Variants in ARHGAP11A observed in about 807,000 individuals in gnomAD.
ARHGAP11A encodes rho GTPase-activating protein 11A.
Under a neutral mutation model 60.5 loss-of-function variants are expected in ARHGAP11A, and 36 were observed. The observed-to-expected ratio is 0.59, with a 90% confidence interval of 0.46 to 0.79. The LOEUF (loss-of-function observed/expected upper bound fraction) is 0.79. Among genes scored for constraint, ARHGAP11A ranks in the 30% least tolerant of loss-of-function variants. The pLI, the probability that ARHGAP11A is intolerant of heterozygous loss-of-function variation, is 0.00. For synonymous variants in ARHGAP11A, 362 were observed against 415.5 expected (o/e 0.87, Z 1.57); for missense variants, 1,071 against 1,199.2 (o/e 0.89, Z 1.58).
chr15:32,632,276 A>C (rs2053603199), intron 8 of ARHGAP11A, among the ~76,000 whole-genome samples: 2 of 148,908 alleles, frequency 1.3e-5, no homozygotes, highest in Non-Finnish European at 3.0e-5. Flanking sequence ...CTTCTTTCGT[A>C]ATTGTTTACT....
intron 7 of ARHGAP11A, 113 bp from the exon 8 acceptor site, chr15:32,629,482 C>T: frequency 1.5e-6 from 1 of 656,864 alleles, no homozygotes. Flanking sequence ...AATATATTCT[C>T]ATTTTTTGTT....
In ARHGAP11A at chr15:32,637,346, A is replaced by G. The variant is rs376033399; in HGVS notation, c.2573A>G (p.His858Arg). 6.9e-5 allele frequency: 111 copies of G among 1,614,222 alleles called. No homozygotes were observed. In the East Asian group the frequency reaches 7.1e-4, roughly 10 times the overall value. ...LLEYSRQPTG[H>R]KLASLGDTAS... ...GAGTATAGCAGACAACCTACAGGGCATAAGTTGGCGAGTCTTGGTGATACA... is the reference window on the plus strand; with the variant it reads ...GAGTATAGCAGACAACCTACAGGGCGTAAGTTGGCGAGTCTTGGTGATACA... The change falls in exon 12 of 12, where the codon CAT (histidine) becomes CGT (arginine). Residue 858 changes from histidine to arginine, a missense_variant. His to Arg is a conservative substitution (Grantham distance 29). This residue lies in a region of ARHGAP11A where 776 missense variants were observed against 760.2 expected (regional missense o/e 1.02). Transcript: ENST00000361627.
rs755660320 is a variant in ARHGAP11A, at chr15:32,636,932, A to G, written c.2159A>G (p.Asp720Gly). The G allele has an allele frequency of 6.2e-7, 1 of 1,611,270 alleles. No individual in the cohort carries two copies. ...TTAAGCAAGCAAGAATTCTCCAGTG[A>G]TGAAGAAATAAAGAAACAGCAGTCC... The part of the protein sequence containing the change: ...DYLSKQEFSS[D>G]EEIKKQQSPK... The change falls in exon 12 of 12, where the codon GAT becomes GGT. Residue 720 changes from aspartate (D) to glycine (G), a missense_variant. Physicochemically the swap from Asp to Gly is moderately conservative, Grantham distance 94. Coordinates refer to ENST00000361627, the MANE Select transcript of ARHGAP11A (RefSeq NM_014783.6).
At chr15:32,631,164 A>G (rs913025138) in intron 8 of ARHGAP11A, among the ~76,000 whole-genome samples, 1 of 152,236 alleles carries the variant, frequency 6.6e-6, no homozygotes, top group Non-Finnish European at 1.5e-5. Context: ...CTCAGCCACA[A>G]TTCAACAAAT....
rs895287330 is a variant in ARHGAP11A at position 32,638,106 on chromosome 15, T to C, written c.*261T>C. The C allele has an allele frequency of 7.9e-5, 28 of 356,240 alleles. No homozygotes were observed. Among genetic ancestry groups the C allele is most frequent in the African/African-American group, 6.0e-4 (28 of 46,950 alleles). 22.1% of individuals were successfully genotyped at this position (356,240 alleles called of 1,614,324 possible). A position where few individuals can be genotyped will look rare whatever the true frequency, so the allele number is the denominator to read the frequency against. ...TAAAGCAGAGGTTAGACTTTACCTT[T>C]CTGACTCTGTCGTCCAGGCTGGAGT... On this transcript the variant is annotated 3_prime_UTR_variant, in exon 12 of 12. Transcript: ENST00000361627.
At chr15:32,627,663 A>T (rs1224687801) in intron 6 of ARHGAP11A, among the ~76,000 whole-genome samples, 1 of 152,044 alleles carries the variant, frequency 6.6e-6, no homozygotes, top group East Asian at 1.9e-4. Context: ...TGGGAGGCGG[A>T]GGTTGTAGTT....
intron 10 of ARHGAP11A, among the ~76,000 whole-genome samples, chr15:32,634,859 C>T (rs2053669436): frequency 6.6e-6 from 1 of 152,198 alleles, no homozygotes. Context: ...TTTAGAGTAT[C>T]TCCAAACTGA....
rs1178433158 is a variant in ARHGAP11A at position 32,633,125 on chromosome 15, A to G, written c.1235+17A>G. 2.5e-6 allele frequency: 4 copies of G among 1,612,964 alleles called. No individual in the cohort carries two copies. Among genetic ancestry groups the G allele is most frequent in the Non-Finnish European group, 3.4e-6 (4 of 1,179,434 alleles). On this transcript the variant is annotated intron_variant, in intron 9 of 11. Coordinates refer to ENST00000361627, the MANE Select transcript of ARHGAP11A (RefSeq NM_014783.6). ...AGTTTGCAGGTACTTTATCCAGGACATTTTGTTTTCATCGGATAAATATTT... is the reference window on the plus strand; with the variant it reads ...AGTTTGCAGGTACTTTATCCAGGACGTTTTGTTTTCATCGGATAAATATTT...
At position 32,637,633 on chromosome 15, in the gene ARHGAP11A, T is replaced by C. The variant is rs186151024; in HGVS notation, c.2860T>C (p.Ser954Pro). The C allele has an allele frequency of 7.4e-6, 12 of 1,614,112 alleles. No homozygotes were observed. In the African/African-American group the frequency reaches 8.0e-5, roughly 11 times the overall value. The change falls in exon 12 of 12, where the codon TCT becomes CCT. Residue 954 changes from serine (S) to proline (P), a missense_variant. Coordinates refer to ENST00000361627, the MANE Select transcript of ARHGAP11A (RefSeq NM_014783.6). Reference protein sequence around the residue: ...STTVYKQKILSDGQVKVPLDD... With the variant: ...STTVYKQKILPDGQVKVPLDD... The stretch of plus-strand genomic sequence containing the variant: ...TACAGTTTATAAACAGAAGATCTTA[T>C]CTGATGGCCAAGTTAAGGTTCCCTT...
intron 6 of ARHGAP11A, among the ~76,000 whole-genome samples, chr15:32,627,631 A>C (rs553936243): frequency 4.4e-4 from 67 of 152,122 alleles, no homozygotes; most frequent in African/African-American, 1.5e-3. Context: ...TGGGAGGCTG[A>C]GGCAGGAGAA....
chr15:32,622,074 T>A (rs1174581706), intron 2 of ARHGAP11A, among the ~76,000 whole-genome samples: 6 of 152,308 alleles, frequency 3.9e-5, no homozygotes, highest in Non-Finnish European at 8.8e-5. Context: ...ACCATTTTGC[T>A]CTTTAAATGA....
At position 32,623,593 on chromosome 15, in the gene ARHGAP11A, G is replaced by A. The variant is rs771190100; in HGVS notation, c.297+5G>A. On this transcript the variant is annotated splice_donor_5th_base_variant and intron_variant, in intron 3 of 11. Coordinates refer to ENST00000361627, the MANE Select transcript of ARHGAP11A (RefSeq NM_014783.6). ...ATTCGCCTAAAAGCACTAAAGGTGA[G>A]CATATTGTTGAACTATTAATTTTTC... The A allele has an allele frequency of 6.2e-6, 10 of 1,607,394 alleles. No individual in the cohort carries two copies. Among genetic ancestry groups the A allele is most frequent in the Non-Finnish European group, 6.8e-6 (8 of 1,177,808 alleles).
chr15:32,637,560 A>G lies in ARHGAP11A; in HGVS notation c.2787A>G (p.Leu929=). The G allele has an allele frequency of 1.2e-6, 2 of 1,614,174 alleles. No individual in the cohort carries two copies. Among genetic ancestry groups the G allele is most frequent in the Non-Finnish European group, 1.7e-6 (2 of 1,180,030 alleles). The change falls in exon 12 of 12, where the codon TTA becomes TTG. Residue 929 remains leucine, a synonymous_variant. Transcript: ENST00000361627. ...SSMELPSKSF[L]KMRKHPDSVN... is the part of the protein sequence containing the mutation. ...TGGAGTTACCCTCGAAATCTTTCTT[A>G]AAGATGAGGAAGCACCCAGATTCAG...
chr15:32,636,122 T>A, intron 11 of ARHGAP11A, 135 bp from the exon 12 acceptor site: 1 of 1,404,860 alleles, frequency 7.1e-7, no homozygotes, highest in Non-Finnish European at 9.3e-7. Flanking sequence ...GACATTCTTA[T>A]GTTAAAAATT....
chr15:32,633,282 TTACTAATTTGA>T (rs1304317605), intron 9 of ARHGAP11A, among the ~76,000 whole-genome samples, 174 bp downstream of exon 9: 1 of 152,164 alleles, frequency 6.6e-6, no homozygotes, highest in Non-Finnish European at 1.5e-5. Context: ...CAGAGAAAAA[TTACTAATTTGA>T]GTCCGCTTTG....
intron 6 of ARHGAP11A, among the ~76,000 whole-genome samples, chr15:32,627,685 G>C (rs1422971673): frequency 6.6e-6 from 1 of 152,050 alleles, no homozygotes; most frequent in South Asian, 2.1e-4. Flanking sequence ...GCTGAGATCG[G>C]GCCACTGCAC....
Position 32,637,018 on chromosome 15 carries a change from C to T in ARHGAP11A, c.2245C>T (p.Pro749Ser), listed in dbSNP as rs747141868. 24 of 1,612,706 alleles carry T rather than the reference C, an allele frequency of 1.5e-5. No homozygotes were observed. The East Asian group carries it at 3.6e-4, about 24-fold the overall frequency. The change falls in exon 12 of 12, where the codon CCG becomes TCG. Residue 749 changes from proline to serine, a missense_variant. Coordinates refer to ENST00000361627, the MANE Select transcript of ARHGAP11A (RefSeq NM_014783.6). ...TGAGAATATGATGGAAGGTAACTTA[C>T]CGAAGTGTGCAGCACATAGCAAGGA... ...ENENMMEGNLPKCAAHSKDEA... is the reference protein window; with the variant it reads ...ENENMMEGNLSKCAAHSKDEA...
chr15:32,625,356 C>T, intron 5 of ARHGAP11A, 113 bp downstream of exon 5: 2 of 1,442,322 alleles, frequency 1.4e-6, no homozygotes, highest in African/African-American at 1.4e-5. Flanking sequence ...CTGACCTCAC[C>T]CCCACCCTAC....
intron 9 of ARHGAP11A, among the ~76,000 whole-genome samples, chr15:32,633,506 G>C (rs2053632707): frequency 6.6e-6 from 1 of 152,226 alleles, no homozygotes; most frequent in South Asian, 2.1e-4. Context: ...GCCAGGCATG[G>C]TGCCACATGC....
Sources: allele counts gnomAD v4.1 joint callset (sites outside exome capture counted in the v4.1 genomes callset), GRCh38; gene constraint gnomAD v4.1.1; regional missense constraint gnomAD v4.1.1; transcripts MANE v1.5; gene names NCBI Gene and HGNC (gene_info 2026-07-23, HGNC 2026-07-21).